Variants in STEEP1 observed in about 807,000 individuals in gnomAD.
The protein encoded by STEEP1 is STING1 ER exit protein 1.
STEEP1 carries 3 observed loss-of-function variants against 19.2 expected under a neutral mutation model. That is an observed-to-expected ratio of 0.16 (90% CI 0.07 to 0.40). STEEP1 has a LOEUF of 0.40. STEEP1 is among the 10% of genes least tolerant of loss of function. STEEP1 has a pLI of 0.99. For synonymous variants in STEEP1, 46 were observed against 63.7 expected (o/e 0.72, Z 1.32); for missense variants, 54 against 177.1 (o/e 0.30, Z 3.94).
intron 5 of STEEP1, among the ~76,000 whole-genome samples, 197 bp downstream of exon 5, chrX:119,542,308 C>T (rs766376188): frequency 3.6e-5 from 4 of 109,926 alleles, no homozygotes; most frequent in Non-Finnish European, 7.6e-5. Flanking sequence ...CCTTATGATC[C>T]GCCCGTCTCG....
rs34447220 is a variant in STEEP1 at position 119,539,530 on chromosome X, CAAAAAAAA to C, written c.*189_*196del. ...TGGGCGAAAGAGCAAGACTTTATCT[CAAAAAAAA>C]AAAAAAAAAAAAGAAAGCAAGTTAA... On this transcript the variant is annotated 3_prime_UTR_variant, in exon 7 of 7. Transcript: ENST00000644802. 17,690 of 277,429 alleles carry C rather than the reference CAAAAAAAA, an allele frequency of 0.064. 10 individuals carry two copies. The highest frequency in any genetic ancestry group is 0.094 in the East Asian group (1,723 of 18,383). The allele number at this position is 277,429 out of a possible 1,213,427, so 22.9% of individuals were successfully genotyped here.
intron 2 of STEEP1, among the ~76,000 whole-genome samples, chrX:119,551,336 C>T (rs939512647): frequency 4.6e-5 from 5 of 109,661 alleles, no homozygotes; most frequent in Admixed American, 9.8e-5. Flanking sequence ...AAAAATTAGC[C>T]GGGCATGGTG....
intron 2 of STEEP1, among the ~76,000 whole-genome samples, chrX:119,553,432 A>G (rs2053257592): frequency 1.8e-5 from 2 of 111,649 alleles, no homozygotes; most frequent in African/African-American, 3.3e-5. Flanking sequence ...TTGCTCTTTG[A>G]CAACACATGG....
At chrX:119,547,938 G>A (rs2053216666) in intron 2 of STEEP1, among the ~76,000 whole-genome samples, 2 of 110,981 alleles carry the variant, frequency 1.8e-5, no homozygotes, top group Non-Finnish European at 3.8e-5. Flanking sequence ...TTGGGAGGCC[G>A]AGGCGGGCAG....
At chrX:119,562,253 C>T (rs968560835) in intron 1 of STEEP1, among the ~76,000 whole-genome samples, 8 of 111,579 alleles carry the variant, frequency 7.2e-5, no homozygotes, top group Admixed American at 1.9e-4. Context: ...AAAAATTAAC[C>T]GGGTGCGGTT....
At position 119,545,492 on chromosome X, in the gene STEEP1, A is replaced by G. The variant is rs1425189857; in HGVS notation, c.255T>C (p.Ile85=). Residue 85 remains isoleucine (I), a synonymous_variant, in exon 3 of 7, where the codon ATT becomes ATC. Coordinates refer to ENST00000644802, the MANE Select transcript of STEEP1 (RefSeq NM_022101.4). ...ETMYLRRPEG[I]ERQYRKKCAK... ...CACATTTCTTCCTGTACTGTCGTTCAATGCCTTCAGGTCTGCACAGAAAAT... is the reference window on the plus strand; with the variant it reads ...CACATTTCTTCCTGTACTGTCGTTCGATGCCTTCAGGTCTGCACAGAAAAT... The G allele has an allele frequency of 8.5e-7, 1 of 1,182,981 alleles. No individual in the cohort carries two copies. The highest frequency in any genetic ancestry group is 1.8e-5 in the South Asian group (1 of 56,409).
At chrX:119,548,407 G>A (rs916651658) in intron 2 of STEEP1, among the ~76,000 whole-genome samples, 15 of 108,199 alleles carry the variant, frequency 1.4e-4, no homozygotes, top group Admixed American at 4.0e-4. Context: ...GGTGGCATGC[G>A]CCTGTAGTCC....
In STEEP1 at chrX:119,556,849, G is replaced by A. The variant is rs574593355; in HGVS notation, c.242+3419C>T. Among the ~76,000 whole-genome samples the A allele has an allele frequency of 5.2e-4, 57 of 110,570 alleles. 1 individual carries two copies. In the South Asian group the frequency reaches 0.013, roughly 26 times the overall value. ...TGCCCAAGGAAGGCATAAAGAGAGT[G>A]GGGACAAAAGCAAGGTCAGAACCGC... On this transcript the variant is annotated intron_variant, in intron 2 of 6. Coordinates refer to ENST00000644802, the MANE Select transcript of STEEP1 (RefSeq NM_022101.4).
chrX:119,557,074 T>C (rs1189312833), intron 2 of STEEP1, among the ~76,000 whole-genome samples: 1 of 100,423 alleles, frequency 1.0e-5, no homozygotes, highest in Non-Finnish European at 2.0e-5. Context: ...GAGGATCACT[T>C]GAACCCAGGA....
intron 4 of STEEP1, among the ~76,000 whole-genome samples, chrX:119,543,653 AC>A (rs1362703764): frequency 9.4e-6 from 1 of 106,759 alleles, no homozygotes; most frequent in Non-Finnish European, 2.0e-5. Flanking sequence ...CAGCCAATTT[AC>A]TTTTTTTTGT....
rs1438619469 is a variant in STEEP1 at position 119,565,145 on chromosome X, C to G, written c.124+87G>C. 8 of 1,114,776 alleles carry G rather than the reference C, an allele frequency of 7.2e-6. No individual in the cohort carries two copies. The African/African-American group carries it at 1.1e-4, about 15-fold the overall frequency. The allele number at this position is 1,114,776 out of a possible 1,213,427, so 91.9% of individuals were successfully genotyped here. ...CCCACCAATCTTCGTTGAGAAGTGG[C>G]TCCCAGATCACAGCCAGAGGAAATT... On this transcript the variant is annotated intron_variant, in intron 1 of 6. Coordinates refer to ENST00000644802, the MANE Select transcript of STEEP1 (RefSeq NM_022101.4).
At chrX:119,562,260 G>A (rs189486538) in intron 1 of STEEP1, among the ~76,000 whole-genome samples, 1 of 111,510 alleles carries the variant, frequency 9.0e-6, no homozygotes, top group Non-Finnish European at 1.9e-5. Flanking sequence ...AACCGGGTGC[G>A]GTTGCTCACG....
chrX:119,558,152 A>T (rs2053294769), intron 2 of STEEP1, among the ~76,000 whole-genome samples: 1 of 110,909 alleles, frequency 9.0e-6, no homozygotes, highest in Non-Finnish European at 1.9e-5. Flanking sequence ...CAAGTGATCC[A>T]CCCACCTCAG....
intron 3 of STEEP1, 148 bp from the exon 4 acceptor site, chrX:119,544,639 T>G: frequency 1.9e-6 from 1 of 536,794 alleles, no homozygotes; most frequent in East Asian, 3.9e-5. Context: ...AAACTACCTC[T>G]ACCTGATAAG....
At chrX:119,557,224 C>G (rs1390768270) in intron 2 of STEEP1, among the ~76,000 whole-genome samples, 2 of 102,788 alleles carry the variant, frequency 1.9e-5, no homozygotes, top group African/African-American at 7.0e-5. Context: ...TAGTTTTTTT[C>G]TGGTTCAACA....
intron 2 of STEEP1, among the ~76,000 whole-genome samples, chrX:119,554,864 T>G (rs745483863): frequency 9.0e-6 from 1 of 110,984 alleles, no homozygotes; most frequent in Non-Finnish European, 1.9e-5. Flanking sequence ...CCCAGCATTT[T>G]GGGAGGACAA....
chrX:119,546,064 A>C (rs1055918607), intron 2 of STEEP1, among the ~76,000 whole-genome samples: 1 of 110,860 alleles, frequency 9.0e-6, no homozygotes, highest in Non-Finnish European at 1.9e-5. Flanking sequence ...TAGCAATAGT[A>C]GTTGTAGTAA....
At chrX:119,561,281 C>A (rs1220823091) in intron 1 of STEEP1, among the ~76,000 whole-genome samples, 2 of 111,368 alleles carry the variant, frequency 1.8e-5, no homozygotes, top group Admixed American at 1.9e-4. Flanking sequence ...ATATAGTATG[C>A]AAATGATCCA....
At chrX:119,560,512 C>T (rs191969993) in intron 1 of STEEP1, 127 bp from the exon 2 acceptor site, 1 of 476,454 alleles carries the variant, frequency 2.1e-6, no homozygotes, top group African/African-American at 2.4e-5. Context: ...AATTACTATG[C>T]TTATTGAAAC....
Sources: allele counts gnomAD v4.1 joint callset (sites outside exome capture counted in the v4.1 genomes callset), GRCh38; gene constraint gnomAD v4.1.1; transcripts MANE v1.5; gene names NCBI Gene and HGNC (gene_info 2026-07-23, HGNC 2026-07-21).